ALOX12B: variants seen among roughly 807,000 people sequenced by gnomAD.
ALOX12B encodes arachidonate 12-lipoxygenase, 12R-type.
A neutral mutation model predicts 78.9 loss-of-function variants in ALOX12B; 47 were observed. The ratio of observed to expected loss-of-function variants is 0.60; its 90% CI spans 0.47 to 0.76. The LOEUF is 0.76. ALOX12B is among the 30% of genes least tolerant of loss of function. The pLI is 0.00. For missense variants in ALOX12B, 805 were observed against 922.6 expected, an observed-to-expected ratio of 0.87 and a Z score of 1.65; for synonymous variants, 370 against 374.5, an observed-to-expected ratio of 0.99 and a Z score of 0.14.
intron 13 of ALOX12B, 112 bp from the exon 14 acceptor site, chr17:8,073,430 G>T: frequency 6.7e-7 from 1 of 1,481,492 alleles, no homozygotes; most frequent in Non-Finnish European, 9.3e-7. Context: ...CCCGCCCTTG[G>T]CGCTGAGGCT....
Position 8,073,686 on chromosome 17 carries a change from C to T in ALOX12B, c.1726G>A (p.Ala576Thr), listed in dbSNP as rs1344147856. The change falls in exon 13 of 15, where the codon GCC (alanine) becomes ACC (threonine). Residue 576 changes from alanine to threonine, a missense_variant. Coordinates refer to ENST00000647874, the MANE Select transcript of ALOX12B (RefSeq NM_001139.3). ...YVTIVIYTCS[A>T]KHAAVNTGQM... ...CCTGTGTTGACAGCAGCGTGCTTGG[C>T]AGAGCAGGTGTAGATGACTATAGTG... 1.9e-6 allele frequency: 3 copies of T among 1,614,166 alleles called. No homozygotes were observed. Among genetic ancestry groups the T allele is most frequent in the Admixed American group, 1.7e-5 (1 of 60,022 alleles).
Position 8,080,785 on chromosome 17 carries a change from G to C in ALOX12B, c.528-5C>G. The C allele has an allele frequency of 6.2e-7, 1 of 1,614,152 alleles. No individual in the cohort carries two copies. ...CCCGGAATATAGCCATTCCACCTGT[G>C]GGGAGAAGCGCAGGGCAACTGGGAT... On this transcript the variant is annotated splice_region_variant and splice_polypyrimidine_tract_variant and intron_variant, in intron 4 of 14. Coordinates refer to ENST00000647874, the MANE Select transcript of ALOX12B (RefSeq NM_001139.3). This position sits in a 1 kb window ranked among gnomAD's most constrained non-coding sequence, Gnocchi z 4.8.
chr17:8,075,890 A>G (rs1237563094), intron 11 of ALOX12B, among the ~76,000 whole-genome samples, 174 bp from the exon 12 acceptor site: 1 of 152,182 alleles, frequency 6.6e-6, no homozygotes, highest in Non-Finnish European at 1.5e-5. Context: ...GCAAGGTCAG[A>G]ACACACCCAG....
chr17:8,075,566 CCT>C (rs2151821600), intron 12 of ALOX12B, 27 bp downstream of exon 12: 3 of 1,613,686 alleles, frequency 1.9e-6, no homozygotes, highest in Admixed American at 1.7e-5. Context: ...CCCAGCTCCC[CCT>C]GATTGCCCAG....
Position 8,079,425 on chromosome 17 carries a change from C to A in ALOX12B, c.1042G>T (p.Glu348Ter). Residue 348 changes from glutamate to a stop codon, truncating the protein, a stop_gained, in exon 8 of 15, where the codon GAG becomes TAG. Coordinates refer to ENST00000647874, the MANE Select transcript of ALOX12B (RefSeq NM_001139.3). LOFTEE classifies it high-confidence loss of function. The surrounding 1 kb of genome is among the most constrained non-coding windows in gnomAD (Gnocchi z 6.4). ...APLCLLHFGP[E>*]GKMMPIAIQL... ...ATGGCGATGGGCATCATCTTGCCCT[C>A]GGGTCCAAAGTGCAGCAGGCAGAGG... The A allele has an allele frequency of 6.4e-7, 1 of 1,551,656 alleles. No homozygotes were observed. Among genetic ancestry groups the A allele is most frequent in the Non-Finnish European group, 8.7e-7 (1 of 1,147,362 alleles).
In ALOX12B at chr17:8,076,211, C is replaced by T. The variant is rs768784091; in HGVS notation, c.1496G>A (p.Arg499His). ...GVQDLPGYYY[R>H]DDSLAVWNAL... ...ATTCCACACCGCCAAGCTGTCATCG[C>T]GGTAGTAATATCCAGGCAGGTCCTG... Residue 499 changes from arginine (R) to histidine (H), a missense_variant, in exon 11 of 15, where the codon CGC becomes CAC. Arg to His is a conservative substitution (Grantham distance 29). Coordinates refer to ENST00000647874, the MANE Select transcript of ALOX12B (RefSeq NM_001139.3). 9.9e-6 allele frequency: 16 copies of T among 1,614,002 alleles called. No individual in the cohort carries two copies. The highest frequency in any genetic ancestry group is 1.3e-5 in the African/African-American group (1 of 74,890).
At position 8,076,714 on chromosome 17, in the gene ALOX12B, G is replaced by A. The variant is rs1397155477; in HGVS notation, c.1305C>T (p.Val435=). The change falls in exon 10 of 15, where the codon GTC becomes GTT. Residue 435 remains valine (V), a synonymous_variant. Coordinates refer to ENST00000647874, the MANE Select transcript of ALOX12B (RefSeq NM_001139.3). ...CGGCCCGGCCAATGCTGTTGATCTGGACGGTGTATCGGGTATGGGGGATGA... is the reference window on the plus strand; with the variant it reads ...CGGCCCGGCCAATGCTGTTGATCTGAACGGTGTATCGGGTATGGGGGATGA... ...KLLIPHTRYT[V]QINSIGRAVL... The A allele has an allele frequency of 3.9e-6, 6 of 1,550,816 alleles. No homozygotes were observed. The highest frequency in any genetic ancestry group is 5.2e-6 in the Non-Finnish European group (6 of 1,147,128).
intron 8 of ALOX12B, among the ~76,000 whole-genome samples, chr17:8,078,498 AGGT>A (rs1977136236): frequency 6.7e-6 from 1 of 150,232 alleles, no homozygotes; most frequent in Non-Finnish European, 1.5e-5. Context: ...GGGCCGGGCG[AGGT>A]GGCTCACGCC....
intron 8 of ALOX12B, among the ~76,000 whole-genome samples, chr17:8,078,755 C>A (rs573020290): frequency 7.9e-5 from 12 of 152,130 alleles, no homozygotes; most frequent in African/African-American, 2.9e-4. Context: ...CCTATTCGGG[C>A]ATACAAACCT....
chr17:8,077,732 G>A (rs1176647916), intron 8 of ALOX12B, among the ~76,000 whole-genome samples: 1 of 152,206 alleles, frequency 6.6e-6, no homozygotes, highest in African/African-American at 2.4e-5. Context: ...AGATTCCCAA[G>A]GCAGAGGCTA....
Position 8,073,264 on chromosome 17 carries a change from T to C in ALOX12B, c.1810A>G (p.Ile604Val), listed in dbSNP as rs1456307325. Residue 604 changes from isoleucine to valine, a missense_variant, in exon 14 of 15, where the codon ATT (isoleucine) becomes GTT (valine). By Grantham distance (29) the Ile-to-Val change is conservative (BLOSUM62 3). Transcript: ENST00000647874. ...AGAGTGGTCAGCCCCTTAGTCTGAA[T>C]CGGTGGATTCCGCATGGACGCTGGG... ...NFPASMRNPP[I>V]QTKGLTTLET... 1 of 1,614,024 alleles carries C rather than the reference T, an allele frequency of 6.2e-7. No homozygotes were observed. Among genetic ancestry groups the C allele is most frequent in the African/African-American group, 1.3e-5 (1 of 74,888 alleles).
At chr17:8,082,086 T>A (rs1452981758) in intron 2 of ALOX12B, among the ~76,000 whole-genome samples, 7 of 152,238 alleles carry the variant, frequency 4.6e-5, no homozygotes, top group African/African-American at 1.7e-4. Flanking sequence ...TTTTCATGAC[T>A]GAATAGTATT....
intron 2 of ALOX12B, among the ~76,000 whole-genome samples, chr17:8,085,519 T>C (rs1978294232): frequency 6.6e-6 from 1 of 152,182 alleles, no homozygotes; most frequent in Non-Finnish European, 1.5e-5. Context: ...TCAAAGGGCT[T>C]CTAAATGGGA....
intron 1 of ALOX12B, 107 bp from the exon 2 acceptor site, chr17:8,086,327 C>T (rs1978298360): frequency 2.6e-6 from 3 of 1,135,018 alleles, no homozygotes; most frequent in Non-Finnish European, 3.9e-6. Context: ...GCGCAATGCT[C>T]ACCTCCCTGG....
At chr17:8,083,369 G>C (rs918767018) in intron 2 of ALOX12B, among the ~76,000 whole-genome samples, 1 of 152,158 alleles carries the variant, frequency 6.6e-6, no homozygotes, top group East Asian at 1.9e-4. Context: ...TATGTATTAC[G>C]TGGGGACAAG....
At chr17:8,082,184 G>A (rs1028284662) in intron 2 of ALOX12B, among the ~76,000 whole-genome samples, 15 of 152,234 alleles carry the variant, frequency 9.9e-5, no homozygotes, top group African/African-American at 3.4e-4. Context: ...TGTGAATAGC[G>A]CCACAATAAA....
At position 8,076,750 on chromosome 17, in the gene ALOX12B, G is replaced by A. The variant is rs1181238421; in HGVS notation, c.1276-7C>T. 1.3e-6 allele frequency: 2 copies of A among 1,549,854 alleles called. No individual in the cohort carries two copies. The highest frequency in any genetic ancestry group is 1.7e-6 in the Non-Finnish European group (2 of 1,146,792). ...GGGTATGGGGGATGAGGAGCTGTGG[G>A]GAGAGCAAGGAGGATGAAGAGAGAG... On this transcript the variant is annotated splice_region_variant and splice_polypyrimidine_tract_variant and intron_variant, in intron 9 of 14. Transcript: ENST00000647874.
chr17:8,076,790 C>T, intron 9 of ALOX12B, 47 bp from the exon 10 acceptor site: 1 of 1,529,130 alleles, frequency 6.5e-7, no homozygotes, highest in Non-Finnish European at 8.9e-7. Context: ...GAAGTGGCCC[C>T]CAAAGGAGCT....
Position 8,072,854 on chromosome 17 carries a change from C to A in ALOX12B, c.2023G>T (p.Asp675Tyr). The A allele has an allele frequency of 6.2e-7, 1 of 1,614,192 alleles. No individual in the cohort carries two copies. Among genetic ancestry groups the A allele is most frequent in the Non-Finnish European group, 8.5e-7 (1 of 1,180,042 alleles). Residue 675 changes from aspartate to tyrosine, a missense_variant, in exon 15 of 15, where the codon GAC (aspartate) becomes TAC (tyrosine). Physicochemically the swap from Asp to Tyr is radical, Grantham distance 160 (BLOSUM62 -3). Transcript: ENST00000647874. ...FRQRLNQISHDIRQRNKCLPI... is the reference protein window; with the variant it reads ...FRQRLNQISHYIRQRNKCLPI... ...AGGCACTTGTTGCGCTGGCGGATGT[C>A]GTGTGAGATCTGGTTCAGGCGCTGG...
Sources: allele counts gnomAD v4.1 joint callset (sites outside exome capture counted in the v4.1 genomes callset), GRCh38; gene constraint gnomAD v4.1.1; non-coding constraint Gnocchi (gnomAD v3.1); transcripts MANE v1.5; gene names NCBI Gene and HGNC (gene_info 2026-07-23, HGNC 2026-07-21).